Variants in LACTB observed in about 807,000 individuals in gnomAD.
The protein encoded by LACTB is serine beta-lactamase-like protein LACTB, mitochondrial.
LACTB carries 35 observed loss-of-function variants against 50.2 expected under a neutral mutation model. That is an observed-to-expected ratio of 0.70 (90% CI 0.53 to 0.92). The LOEUF (loss-of-function observed/expected upper bound fraction) is 0.92. LACTB is among the 40% of genes least tolerant of loss of function. The pLI, the probability that LACTB is intolerant of heterozygous loss-of-function variation, is 0.00. For missense variants in LACTB, 664 were observed against 691.8 expected, an observed-to-expected ratio of 0.96 and a Z score of 0.45; for synonymous variants, 252 against 268.2, an observed-to-expected ratio of 0.94 and a Z score of 0.59.
rs534894337 is a variant in LACTB, at chr15:63,122,245, G to T, written c.357+17G>T. 6 of 1,518,996 alleles carry T rather than the reference G, an allele frequency of 3.9e-6. No individual in the cohort carries two copies. The highest frequency in any genetic ancestry group is 1.2e-5 in the South Asian group (1 of 80,248). 94.1% of individuals were successfully genotyped at this position (1,518,996 alleles called of 1,614,324 possible). A position where few individuals can be genotyped will look rare whatever the true frequency, so the allele number is the denominator to read the frequency against. On this transcript the variant is annotated intron_variant, in intron 1 of 5. Transcript: ENST00000261893. Reference sequence around the variant, plus strand: ...AGGATCAAGGTGCGGCCACTGGAGCGGGGGGCGTAGGGGGCCGGGGATCCA... The same window carrying T: ...AGGATCAAGGTGCGGCCACTGGAGCTGGGGGCGTAGGGGGCCGGGGATCCA...
intron 5 of LACTB, chr15:63,130,673 A>G (rs2037121551): frequency 6.6e-6 from 1 of 152,210 alleles, no homozygotes; most frequent in South Asian, 2.1e-4. Context: ...GATCTAATCC[A>G]TGATCTCACA....
At chr15:63,123,817 T>A (rs1450492200) in intron 2 of LACTB, among the ~76,000 whole-genome samples, 13 of 149,428 alleles carry the variant, frequency 8.7e-5, no homozygotes, top group African/African-American at 2.0e-4. Flanking sequence ...ACTACTGCTA[T>A]CTAGAAGGCA....
At chr15:63,141,010 G>A (rs2037222839) in intron 5 of LACTB, 1 of 984,822 alleles carries the variant, frequency 1.0e-6, no homozygotes, top group Non-Finnish European at 1.2e-6. Flanking sequence ...GGTATTAAAG[G>A]TTTGATACAC....
rs778114499 is a variant in LACTB at position 63,129,498 on chromosome 15, G to C, written c.966G>C (p.Leu322Phe). Residue 322 changes from leucine (L) to phenylalanine (F), a missense_variant, in exon 5 of 6, where the codon TTG (leucine) becomes TTC (phenylalanine). Coordinates refer to ENST00000261893, the MANE Select transcript of LACTB (RefSeq NM_032857.5). ...PLFFKPGSQF[L>F]YSTFGYTLLA... The stretch of plus-strand genomic sequence containing the variant: ...TGATGTCTCAAGGTAGTCAGTTTTT[G>C]TATTCAACTTTTGGCTATACCCTAC... 6.3e-7 allele frequency: 1 copy of C among 1,586,926 alleles called. No homozygotes were observed. Among genetic ancestry groups the C allele is most frequent in the South Asian group, 1.2e-5 (1 of 85,104 alleles).
intron 2 of LACTB, among the ~76,000 whole-genome samples, chr15:63,123,209 A>C (rs2037001318): frequency 1.3e-5 from 2 of 152,218 alleles, no homozygotes; most frequent in African/African-American, 4.8e-5. Flanking sequence ...TTTCCATTTA[A>C]TACTTTCGGA....
In LACTB at chr15:63,121,905, G is replaced by A. The variant is rs764809586; in HGVS notation, c.34G>A (p.Ala12Thr). 2.9e-5 allele frequency: 41 copies of A among 1,417,782 alleles called. No individual in the cohort carries two copies. The South Asian group carries it at 4.7e-4, about 16-fold the overall frequency. 87.8% of individuals were successfully genotyped at this position (1,417,782 alleles called of 1,614,324 possible). The change falls in exon 1 of 6, where the codon GCT becomes ACT. Residue 12 changes from alanine (A) to threonine (T), a missense_variant. Physicochemically the swap from Ala to Thr is moderately conservative, Grantham distance 58. Transcript: ENST00000261893. Reference protein sequence around the residue: ...YRLMSAVTARAAAPGGLASSC... With the variant: ...YRLMSAVTARTAAPGGLASSC... The stretch of plus-strand genomic sequence containing the variant: ...GCTCATGTCAGCAGTGACTGCCCGG[G>A]CTGCCGCCCCCGGGGGCTTGGCCTC...
chr15:63,132,777 C>T (rs1595716829), intron 5 of LACTB, among the ~76,000 whole-genome samples: 2 of 152,118 alleles, frequency 1.3e-5, no homozygotes, highest in Admixed American at 1.3e-4. Flanking sequence ...GCTGTGATTG[C>T]ACCACTGCAC....
At chr15:63,133,202 C>T (rs1036455334) in intron 5 of LACTB, among the ~76,000 whole-genome samples, 1 of 152,090 alleles carries the variant, frequency 6.6e-6, no homozygotes, top group African/African-American at 2.4e-5. Context: ...ATTCATTTAC[C>T]ACTATAATAG....
chr15:63,123,617 A>C (rs561015784), intron 2 of LACTB, among the ~76,000 whole-genome samples: 25 of 152,320 alleles, frequency 1.6e-4, no homozygotes, highest in African/African-American at 6.0e-4. Context: ...TTGGATACAA[A>C]GCAAAAGGGG....
At position 63,138,461 on chromosome 15, in the gene LACTB, C is replaced by G. The variant is rs529807411; in HGVS notation, c.1119-2819C>G. The stretch of plus-strand genomic sequence containing the variant: ...CCATCAGTTAGTTACAAAAATGTCT[C>G]AGTAACCTAGTCAAGAACTTGTGTC... On this transcript the variant is annotated intron_variant, in intron 5 of 5. Transcript: ENST00000261893. Among the ~76,000 whole-genome samples, 17 of 152,256 alleles carry G rather than the reference C, an allele frequency of 1.1e-4. 1 individual carries two copies. In the South Asian group the frequency reaches 3.5e-3, roughly 32 times the overall value.
At chr15:63,140,905 A>T in intron 5 of LACTB, 2 of 596,692 alleles carry the variant, frequency 3.4e-6, no homozygotes, top group Middle Eastern at 8.4e-4. Context: ...ATGCAACATT[A>T]ACCCCAAGGA....
intron 5 of LACTB, chr15:63,129,935 T>G: frequency 4.4e-6 from 1 of 226,214 alleles, no homozygotes. Context: ...TCTTTAACCA[T>G]TCCTTTTTTA....
rs770311929 is a variant in LACTB at position 63,126,852 on chromosome 15, C to T, written c.425-7C>T. On this transcript the variant is annotated splice_region_variant and splice_polypyrimidine_tract_variant and intron_variant, in intron 2 of 5. Transcript: ENST00000261893. ...TAATAGTGACTTTTTGCTTTTTTCCCCCAAAGGTTTAGGTTATGCTGATGT... is the reference window on the plus strand; with the variant it reads ...TAATAGTGACTTTTTGCTTTTTTCCTCCAAAGGTTTAGGTTATGCTGATGT... The T allele has an allele frequency of 1.3e-6, 2 of 1,487,548 alleles. No homozygotes were observed. Among genetic ancestry groups the T allele is most frequent in the Non-Finnish European group, 9.0e-7 (1 of 1,109,048 alleles). 92.1% of individuals were successfully genotyped at this position (1,487,548 alleles called of 1,614,324 possible). A position where few individuals can be genotyped will look rare whatever the true frequency, so the allele number is the denominator to read the frequency against.
chr15:63,135,278 A>T (rs575767684), intron 5 of LACTB, among the ~76,000 whole-genome samples: 2 of 152,214 alleles, frequency 1.3e-5, no homozygotes, highest in African/African-American at 2.4e-5. Context: ...ATTTAAAAGG[A>T]TTAAATATGC....
chr15:63,122,827 A>C (rs1431220666), intron 2 of LACTB, 125 bp downstream of exon 2: 2 of 667,284 alleles, frequency 3.0e-6, no homozygotes, highest in Non-Finnish European at 5.3e-6. Context: ...TGTAGAGAAA[A>C]CATCTAACAT....
chr15:63,129,465 C>G lies in LACTB; in HGVS notation c.953-20C>G. 1 of 1,504,330 alleles carries G rather than the reference C, an allele frequency of 6.6e-7. No homozygotes were observed. The highest frequency in any genetic ancestry group is 8.9e-7 in the Non-Finnish European group (1 of 1,126,774). The allele number at this position is 1,504,330 out of a possible 1,614,324, so 93.2% of individuals were successfully genotyped here. A position where few individuals can be genotyped will look rare whatever the true frequency, so the allele number is the denominator to read the frequency against. ...TAATCAAGTATTTTATTTTTTTCCT[C>G]CTCGCAATGATGTCTCAAGGTAGTC... On this transcript the variant is annotated intron_variant, in intron 4 of 5. Coordinates refer to ENST00000261893, the MANE Select transcript of LACTB (RefSeq NM_032857.5).
At chr15:63,139,417 C>T (rs1374446170) in intron 5 of LACTB, among the ~76,000 whole-genome samples, 1 of 151,844 alleles carries the variant, frequency 6.6e-6, no homozygotes, top group East Asian at 1.9e-4. Context: ...CTTTGAGAGG[C>T]CAAGGTGGGC....
At chr15:63,132,969 C>G (rs868502772) in intron 5 of LACTB, among the ~76,000 whole-genome samples, 2 of 152,084 alleles carry the variant, frequency 1.3e-5, no homozygotes, top group Admixed American at 1.3e-4. Context: ...AACATTTAAA[C>G]GACATTTTCT....
At chr15:63,138,199 G>T (rs2037193248) in intron 5 of LACTB, among the ~76,000 whole-genome samples, 1 of 152,148 alleles carries the variant, frequency 6.6e-6, no homozygotes, top group South Asian at 2.1e-4. Flanking sequence ...GGTTGTGTGT[G>T]CCTGTAGTGC....
Sources: gnomAD v4.1 joint callset for allele counts (sites outside exome capture counted in the v4.1 genomes callset) on GRCh38, gnomAD v4.1.1 for gene constraint, MANE v1.5 for transcripts, NCBI Gene and HGNC (gene_info 2026-07-23, HGNC 2026-07-21) for gene names.